OR1J2: variants seen among roughly 807,000 people sequenced by gnomAD.
The protein encoded by OR1J2 is olfactory receptor 1J2.
For synonymous variants in OR1J2, 142 were observed against 99.7 expected, an observed-to-expected ratio of 1.42 and a Z score of -2.52; for missense variants, 304 against 246.1, an observed-to-expected ratio of 1.24 and a Z score of -1.57.
the OR1J2 span, among the ~76,000 whole-genome samples, chr9:122,492,008 T>C: frequency 4.6e-5 from 7 of 152,198 alleles, no homozygotes; most frequent in Non-Finnish European, 7.4e-5. Context: ...TTTTTCTTTT[T>C]TAACTTTTGT....
At chr9:122,518,421 A>G in the OR1J2 span, among the ~76,000 whole-genome samples, 1 of 152,212 alleles carries the variant, frequency 6.6e-6, no homozygotes, top group African/African-American at 2.4e-5. Flanking sequence ...GTGCGGGTCC[A>G]CTTTCTGGTT....
chr9:122,553,805 C>T, the OR1J2 span: 303 of 1,613,972 alleles, frequency 1.9e-4, 3 homozygotes, highest in Middle Eastern at 2.0e-3. Flanking sequence ...CCCATGTAAA[C>T]GAGCTGATGA....
chr9:122,449,819 T>C, the OR1J2 span, among the ~76,000 whole-genome samples: 1 of 152,204 alleles, frequency 6.6e-6, no homozygotes. Flanking sequence ...TTATCATAGA[T>C]CGGGTATGCT....
the OR1J2 span, among the ~76,000 whole-genome samples, chr9:122,495,136 T>C: frequency 6.6e-6 from 1 of 152,186 alleles, no homozygotes; most frequent in Non-Finnish European, 1.5e-5. Flanking sequence ...TCATGTTGGC[T>C]TTATATAACC....
the OR1J2 span, among the ~76,000 whole-genome samples, chr9:122,502,049 A>G: frequency 6.0e-3 from 917 of 152,358 alleles, 2 homozygotes; most frequent in Non-Finnish European, 0.01. Context: ...AGTGGTGGAT[A>G]GACAGAACAA....
chr9:122,448,469 C>G, the OR1J2 span, among the ~76,000 whole-genome samples: 1 of 152,142 alleles, frequency 6.6e-6, no homozygotes, highest in East Asian at 1.9e-4. Flanking sequence ...CTGCAAGAGG[C>G]CTTCCTCTTT....
At chr9:122,496,510 G>C in the OR1J2 span, among the ~76,000 whole-genome samples, 1 of 152,142 alleles carries the variant, frequency 6.6e-6, no homozygotes. Flanking sequence ...AAATATCTGA[G>C]ACGGTCTCAG....
At chr9:122,472,454 G>A in the OR1J2 span, among the ~76,000 whole-genome samples, 1 of 152,292 alleles carries the variant, frequency 6.6e-6, no homozygotes, top group South Asian at 2.1e-4. Context: ...GGCAAATTTT[G>A]TAGAAACCTT....
chr9:122,500,231 A>G, the OR1J2 span, among the ~76,000 whole-genome samples: 1 of 152,286 alleles, frequency 6.6e-6, no homozygotes, highest in Admixed American at 6.5e-5. Context: ...AGTGTCTCCA[A>G]GCTTCTCCCC....
At chr9:122,532,561 T>C in the OR1J2 span, among the ~76,000 whole-genome samples, 1 of 146,346 alleles carries the variant, frequency 6.8e-6, no homozygotes, top group Non-Finnish European at 1.5e-5. Flanking sequence ...TGTGGGAGAC[T>C]CAACAAAGAG....
the OR1J2 span, among the ~76,000 whole-genome samples, chr9:122,494,207 C>T: frequency 3.9e-5 from 6 of 152,014 alleles, no homozygotes; most frequent in South Asian, 4.1e-4. Flanking sequence ...ATTTGTTTTG[C>T]GGTATAGTTT....
chr9:122,528,278 A>G, the OR1J2 span, among the ~76,000 whole-genome samples: 3 of 152,236 alleles, frequency 2.0e-5, no homozygotes, highest in South Asian at 2.1e-4. Context: ...CCAGTTTATC[A>G]TAATCAAGTG....
the OR1J2 span, among the ~76,000 whole-genome samples, chr9:122,563,409 T>C: frequency 6.6e-6 from 1 of 152,226 alleles, no homozygotes; most frequent in Non-Finnish European, 1.5e-5. Flanking sequence ...GATGTCTTCT[T>C]TTAAGAAATA....
chr9:122,559,974 G>A, the OR1J2 span, among the ~76,000 whole-genome samples: 3 of 152,176 alleles, frequency 2.0e-5, no homozygotes, highest in Non-Finnish European at 2.9e-5. Flanking sequence ...AAGTCTCTTT[G>A]TAGGTCTCTA....
the OR1J2 span, among the ~76,000 whole-genome samples, chr9:122,538,268 C>G: frequency 6.6e-6 from 1 of 151,654 alleles, no homozygotes; most frequent in South Asian, 2.1e-4. Context: ...TGGGTTTCTT[C>G]CTTTCTTCTC....
At chr9:122,515,400 GCTCAGCA>G (rs1828687590), downstream of OR1J2, among the ~76,000 whole-genome samples, 3 of 142,044 alleles carry the variant, frequency 2.1e-5, no homozygotes, top group South Asian at 2.2e-4. Flanking sequence ...GTATACGGGT[GCTCAGCA>G]TTTCTCTGTG....
chr9:122,541,438 T>C, the OR1J2 span, among the ~76,000 whole-genome samples: 1 of 152,152 alleles, frequency 6.6e-6, no homozygotes, highest in African/African-American at 2.4e-5. Flanking sequence ...TTTCCCCCTT[T>C]TCACTGCACA....
At chr9:122,449,749 T>C in the OR1J2 span, among the ~76,000 whole-genome samples, 1 of 152,180 alleles carries the variant, frequency 6.6e-6, no homozygotes. Context: ...ATCCAGTTAC[T>C]AGTTAACAAA....
the OR1J2 span, among the ~76,000 whole-genome samples, chr9:122,485,293 A>G: frequency 6.6e-6 from 1 of 152,194 alleles, no homozygotes; most frequent in African/African-American, 2.4e-5. Flanking sequence ...TTTACTATTA[A>G]TCCCAGAAAC....
Sources: allele counts gnomAD v4.1 joint callset (sites outside exome capture counted in the v4.1 genomes callset), GRCh38; gene constraint gnomAD v4.1.1; transcripts MANE v1.5; gene names NCBI Gene and HGNC (gene_info 2026-07-23, HGNC 2026-07-21).